KCNIP1: variants seen among roughly 807,000 people sequenced by gnomAD.
KCNIP1 encodes the protein A-type potassium channel modulatory protein KCNIP1.
A neutral mutation model predicts 33.0 loss-of-function variants in KCNIP1; 18 were observed. The observed-to-expected ratio is 0.55, with a 90% CI of 0.38 to 0.81. The LOEUF (loss-of-function observed/expected upper bound fraction) is 0.81. Ranked by LOEUF, KCNIP1 falls within the 30% of genes least tolerant of loss-of-function variation. The probability of loss-of-function intolerance (pLI) is 0.00; values close to 1 mark genes in which losing one functional copy is unlikely to be tolerated. For synonymous variants in KCNIP1, 93 were observed against 98.3 expected, an observed-to-expected ratio of 0.95 and a Z score of 0.32; for missense variants, 238 against 271.6, an observed-to-expected ratio of 0.88 and a Z score of 0.87.
At chr5:170,394,864 C>G (rs1754717299) in intron 1 of KCNIP1, among the ~76,000 whole-genome samples, 1 of 152,206 alleles carries the variant, frequency 6.6e-6, no homozygotes, top group East Asian at 1.9e-4. Flanking sequence ...TTTTCTGTTT[C>G]CGCATTAATT....
intron 1 of KCNIP1, among the ~76,000 whole-genome samples, chr5:170,599,853 G>A (rs991487385): frequency 2.6e-5 from 4 of 152,224 alleles, no homozygotes; most frequent in Middle Eastern, 3.2e-3. Flanking sequence ...AGCACTTATT[G>A]AAAGAAAATA....
rs999510622 is a variant in KCNIP1 at position 170,504,267 on chromosome 5, G to A, written c.-306G>A. ...GCTCTGGCCCCGTGTCCAGTGCCAG[G>A]CAGGCTTCAGGGCACCGTCCTCGGC... On this transcript the variant is annotated 5_prime_UTR_variant, in exon 1 of 8. Transcript: ENST00000328939. The surrounding 1 kb of genome is among the most constrained non-coding windows in gnomAD (Gnocchi z 6.0). The A allele has an allele frequency of 6.8e-6, 8 of 1,180,814 alleles. No individual in the cohort carries two copies. The highest frequency in any genetic ancestry group is 1.6e-5 in the African/African-American group (1 of 62,196). The allele number at this position is 1,180,814 out of a possible 1,614,324, so 73.1% of individuals were successfully genotyped here.
At chr5:170,411,034 C>T (rs1323258640) in intron 1 of KCNIP1, among the ~76,000 whole-genome samples, 10 of 152,208 alleles carry the variant, frequency 6.6e-5, no homozygotes, top group African/African-American at 2.4e-4. Context: ...GTGATTTTAG[C>T]ACCTTCCCTG....
rs1295434154 is a variant in KCNIP1, at chr5:170,385,436, C to T, written c.88+31472C>T. ...CTCCCCGCTTCTGGGCCATCACCAG[C>T]TTCTTCACCATATTCACTGGGGGCA... On this transcript the variant is annotated intron_variant, in intron 1 of 7. Coordinates refer to the KCNIP1 transcript ENST00000377360. 1.2e-5 allele frequency: 20 copies of T among 1,614,054 alleles called. No homozygotes were observed. The Admixed American group carries it at 3.0e-4, about 24-fold the overall frequency.
chr5:170,396,620 T>A (rs191739836), intron 1 of KCNIP1, among the ~76,000 whole-genome samples: 2 of 152,268 alleles, frequency 1.3e-5, no homozygotes, highest in African/African-American at 4.8e-5. Flanking sequence ...GATTCAAAGA[T>A]TCAAAGGTGG....
At chr5:170,540,420 G>A (rs1483335584) in intron 1 of KCNIP1, among the ~76,000 whole-genome samples, 3 of 152,206 alleles carry the variant, frequency 2.0e-5, no homozygotes, top group Non-Finnish European at 4.4e-5. Flanking sequence ...AATGAGCCTC[G>A]TGATGAGTTA....
chr5:170,472,497 T>A (rs753135577), intron 1 of KCNIP1, among the ~76,000 whole-genome samples: 2 of 152,210 alleles, frequency 1.3e-5, no homozygotes, highest in Non-Finnish European at 2.9e-5. Context: ...AGTTCTTTAG[T>A]GGTGATTTGT....
At position 170,665,707 on chromosome 5, in the gene KCNIP1, T is replaced by C. The variant is rs190375427; in HGVS notation, c.62-53051T>C. On this transcript the variant is annotated intron_variant, in intron 1 of 7. Coordinates refer to ENST00000328939, the MANE Select transcript of KCNIP1 (RefSeq NM_014592.4). ...TCTAGTTCAGGATCCCACATTCCATTTCGTAGGCATGTCTCCTTAGACTCT... is the reference window on the plus strand; with the variant it reads ...TCTAGTTCAGGATCCCACATTCCATCTCGTAGGCATGTCTCCTTAGACTCT... 1.7e-4 allele frequency among the ~76,000 whole-genome samples: 26 copies of C among 152,274 alleles called. No individual in the cohort carries two copies. In the East Asian group the frequency reaches 5.0e-3, roughly 29 times the overall value.
chr5:170,715,906 G>A (rs1043544355), intron 1 of KCNIP1, among the ~76,000 whole-genome samples: 3 of 152,252 alleles, frequency 2.0e-5, no homozygotes, highest in East Asian at 1.9e-4. Flanking sequence ...GGCTCCCCAC[G>A]GGTTCACGCT....
chr5:170,391,705 G>A (rs1754600399), intron 1 of KCNIP1, among the ~76,000 whole-genome samples: 1 of 152,176 alleles, frequency 6.6e-6, no homozygotes. Context: ...TTGATAGAGG[G>A]AGTAACTGAG....
chr5:170,451,901 G>A (rs1756263796), intron 1 of KCNIP1, among the ~76,000 whole-genome samples: 1 of 152,288 alleles, frequency 6.6e-6, no homozygotes, highest in Non-Finnish European at 1.5e-5. Context: ...TGCTTCCAGA[G>A]AGGTAAGAGC....
At chr5:170,521,186 C>G (rs1054983994) in intron 1 of KCNIP1, among the ~76,000 whole-genome samples, 2 of 152,194 alleles carry the variant, frequency 1.3e-5, no homozygotes, top group Non-Finnish European at 2.9e-5. Context: ...TATCCATCAG[C>G]CATGGCAGAC....
intron 1 of KCNIP1, among the ~76,000 whole-genome samples, chr5:170,613,597 G>A (rs960126460): frequency 1.3e-5 from 2 of 152,136 alleles, no homozygotes; most frequent in African/African-American, 4.8e-5. Context: ...GAGACCACAG[G>A]GAAAGGAGGA....
chr5:170,528,286 G>A (rs371420239), intron 1 of KCNIP1, among the ~76,000 whole-genome samples: 5 of 152,158 alleles, frequency 3.3e-5, no homozygotes, highest in South Asian at 4.1e-4. Context: ...AGCTGCAAGC[G>A]GGTGGTCTCT....
At chr5:170,550,482 G>A (rs2113410672) in intron 1 of KCNIP1, among the ~76,000 whole-genome samples, 1 of 152,016 alleles carries the variant, frequency 6.6e-6, no homozygotes, top group Admixed American at 6.6e-5. Context: ...TGATGATGGT[G>A]ATGACAATGA....
intron 1 of KCNIP1, among the ~76,000 whole-genome samples, chr5:170,443,244 G>A (rs767956651): frequency 1.6e-4 from 10 of 62,330 alleles, no homozygotes; most frequent in Non-Finnish European, 2.3e-4. Flanking sequence ...CCCACCCCCC[G>A]GCCCTGAAGT....
chr5:170,383,556 C>G (rs923862005), intron 1 of KCNIP1: 2 of 1,084,524 alleles, frequency 1.8e-6, no homozygotes, highest in Non-Finnish European at 2.7e-6. Context: ...CAGTCTCATT[C>G]CAGCTGTGAG....
rs1337550333 is a variant in KCNIP1, at chr5:170,635,337, C to G, written c.62-83421C>G. ...GAGCCATCACGCCCGGCCAAGAAGA[C>G]CTTTTAAAGTAGATGTTCTAAGAGT... is the stretch of plus-strand genomic sequence containing the variant. On this transcript the variant is annotated intron_variant, in intron 1 of 7. Coordinates refer to ENST00000328939, the MANE Select transcript of KCNIP1 (RefSeq NM_014592.4). Among the ~76,000 whole-genome samples the G allele has an allele frequency of 2.0e-5, 3 of 152,166 alleles. No individual in the cohort carries two copies. In the East Asian group the frequency reaches 5.8e-4, roughly 29 times the overall value.
chr5:170,443,084 T>C lies in KCNIP1; in HGVS notation c.88+89120T>C, dbSNP rs535538113. On this transcript the variant is annotated intron_variant, in intron 1 of 7. Transcript: ENST00000377360. The stretch of plus-strand genomic sequence containing the variant: ...ATCCTGTGGGGAGGGGCTCAGCTAG[T>C]GGAGGGTCAGAGAGGGTCTAAAGCA... 3.0e-3 allele frequency among the ~76,000 whole-genome samples: 454 copies of C among 152,032 alleles called. 8 individuals carry two copies. Among genetic ancestry groups the C allele is most frequent in the African/African-American group, 0.01 (430 of 41,452 alleles).
Sources: gnomAD v4.1 joint callset for allele counts (sites outside exome capture counted in the v4.1 genomes callset) on GRCh38, gnomAD v4.1.1 for gene constraint, Gnocchi (gnomAD v3.1) non-coding constraint, MANE v1.5 for transcripts, NCBI Gene and HGNC (gene_info 2026-07-23, HGNC 2026-07-21) for gene names.